PRKN: variants seen among roughly 807,000 people sequenced by gnomAD.
The protein encoded by PRKN is parkin RBR E3 ubiquitin protein ligase, also known as E3 ubiquitin-protein ligase parkin.
Under a neutral mutation model 59.5 loss-of-function variants are expected in PRKN, and 56 were observed. The ratio of observed to expected loss-of-function variants is 0.94; its 90% CI spans 0.76 to 1.18. The LOEUF (loss-of-function observed/expected upper bound fraction) is 1.18. PRKN is among the 50% of genes most tolerant of loss of function. The pLI is 0.00. For missense variants in PRKN, 657 were observed against 596.4 expected (o/e 1.10, Z -1.06); for synonymous variants, 250 against 222.1 (o/e 1.13, Z -1.12).
intron 5 of PRKN, among the ~76,000 whole-genome samples, chr6:162,019,645 C>T (rs571528502): frequency 1.3e-5 from 2 of 152,148 alleles, no homozygotes; most frequent in Non-Finnish European, 2.9e-5. Context: ...CTTGGGGAGT[C>T]CTTGGTCCAC....
At chr6:161,628,036 T>C (rs1393018911) in intron 7 of PRKN, among the ~76,000 whole-genome samples, 1 of 152,208 alleles carries the variant, frequency 6.6e-6, no homozygotes, top group Non-Finnish European at 1.5e-5. Context: ...AACATGATGG[T>C]GTCATGTATC....
chr6:162,532,805 A>G (rs1778567218), intron 1 of PRKN, among the ~76,000 whole-genome samples: 1 of 152,078 alleles, frequency 6.6e-6, no homozygotes, highest in Admixed American at 6.6e-5. Flanking sequence ...AAATAGCTAC[A>G]CCTCTCCTAC....
chr6:162,635,906 T>G (rs1357670451), intron 1 of PRKN, among the ~76,000 whole-genome samples: 1 of 152,070 alleles, frequency 6.6e-6, no homozygotes, highest in Admixed American at 6.6e-5. Flanking sequence ...GCACGAGGCA[T>G]GTTTGGAGAA....
chr6:162,719,895 A>AG (rs1491454686), intron 1 of PRKN, among the ~76,000 whole-genome samples: 2 of 5,236 alleles, frequency 3.8e-4, no homozygotes, highest in Non-Finnish European at 7.6e-4. Context: ...GGTAGATGTC[A>AG]AAAAAAAAAA....
intron 6 of PRKN, among the ~76,000 whole-genome samples, chr6:161,962,011 A>T (rs1242193795): frequency 6.6e-6 from 1 of 152,230 alleles, no homozygotes; most frequent in Non-Finnish European, 1.5e-5. Context: ...CCTGTGATGC[A>T]GAATGTGTCA....
At chr6:161,936,891 T>C (rs1434584779) in intron 6 of PRKN, among the ~76,000 whole-genome samples, 2 of 151,836 alleles carry the variant, frequency 1.3e-5, no homozygotes, top group African/African-American at 4.9e-5. Flanking sequence ...GTGCAACTGA[T>C]TATCCTGCCT....
intron 1 of PRKN, among the ~76,000 whole-genome samples, chr6:162,531,691 T>C (rs1156766532): frequency 6.6e-6 from 1 of 152,154 alleles, no homozygotes; most frequent in African/African-American, 2.4e-5. Context: ...CAGAATCTTG[T>C]AGGCTCCAGC....
At chr6:161,411,306 C>A (rs1028385808) in intron 9 of PRKN, among the ~76,000 whole-genome samples, 2 of 152,130 alleles carry the variant, frequency 1.3e-5, no homozygotes, top group African/African-American at 4.8e-5. Flanking sequence ...ATAAGTCTCA[C>A]AAGATCTGAT....
At chr6:161,628,232 T>C (rs185003151) in intron 7 of PRKN, among the ~76,000 whole-genome samples, 1 of 152,362 alleles carries the variant, frequency 6.6e-6, no homozygotes, top group African/African-American at 2.4e-5. Flanking sequence ...GAAATGAGTG[T>C]CTTAGTCTGC....
At chr6:161,845,863 G>C (rs1793177184) in intron 6 of PRKN, among the ~76,000 whole-genome samples, 1 of 152,142 alleles carries the variant, frequency 6.6e-6, no homozygotes, top group Non-Finnish European at 1.5e-5. Flanking sequence ...ACATCAACCT[G>C]GTGAAGGCTT....
chr6:161,545,093 A>G lies in PRKN; in HGVS notation c.1083+3761T>C. ...GGTGTCTAGCTCCGAACAATTTTAA[A>G]TCCCACAAATGACAGAGAATTTGGT... On this transcript the variant is annotated intron_variant, in intron 9 of 11. Transcript: ENST00000366898. This position sits in a 1 kb window ranked among gnomAD's most constrained non-coding sequence, Gnocchi z 4.1. 1 of 1,166,428 alleles carries G rather than the reference A, an allele frequency of 8.6e-7. No individual in the cohort carries two copies. The highest frequency in any genetic ancestry group is 2.3e-5 in the South Asian group (1 of 44,184). 72.3% of individuals were successfully genotyped at this position (1,166,428 alleles called of 1,614,324 possible). A position where few individuals can be genotyped will look rare whatever the true frequency, so the allele number is the denominator to read the frequency against.
intron 4 of PRKN, among the ~76,000 whole-genome samples, chr6:162,086,251 T>G (rs966913077): frequency 1.7e-4 from 26 of 152,168 alleles, no homozygotes; most frequent in African/African-American, 6.0e-4. Flanking sequence ...TCAGAATTAG[T>G]CTGGGCATCT....
chr6:162,498,967 C>A (rs1279862920), intron 1 of PRKN, among the ~76,000 whole-genome samples: 1 of 152,066 alleles, frequency 6.6e-6, no homozygotes, highest in Admixed American at 6.5e-5. Flanking sequence ...ATTTATTAAA[C>A]AAATATTTTA....
chr6:161,947,224 G>C (rs949137800), intron 6 of PRKN, among the ~76,000 whole-genome samples: 9 of 152,074 alleles, frequency 5.9e-5, no homozygotes, highest in Non-Finnish European at 1.3e-4. Flanking sequence ...GAAAGATTCA[G>C]AACAATTTAG....
chr6:162,290,521 T>A (rs1291072429), intron 2 of PRKN, among the ~76,000 whole-genome samples: 1 of 152,164 alleles, frequency 6.6e-6, no homozygotes, highest in Non-Finnish European at 1.5e-5. Flanking sequence ...ATGTTAAATG[T>A]CAGATTAAGA....
At chr6:161,543,714 T>G (rs964146282) in intron 9 of PRKN, among the ~76,000 whole-genome samples, 1 of 152,244 alleles carries the variant, frequency 6.6e-6, no homozygotes, top group African/African-American at 2.4e-5. Flanking sequence ...CAACTTCAAA[T>G]CATTATTTTA....
intron 6 of PRKN, among the ~76,000 whole-genome samples, chr6:161,905,792 C>T (rs1016580301): frequency 1.3e-5 from 2 of 151,780 alleles, no homozygotes; most frequent in African/African-American, 2.4e-5. Flanking sequence ...GAAACCCTGT[C>T]TCTACCAAAA....
intron 1 of PRKN, among the ~76,000 whole-genome samples, chr6:162,603,472 A>C (rs144308894): frequency 6.6e-6 from 1 of 152,266 alleles, no homozygotes; most frequent in East Asian, 1.9e-4. Context: ...GTTGTCTTTG[A>C]CTGCCTTTGC....
At chr6:162,331,144 C>T (rs979138093) in intron 2 of PRKN, among the ~76,000 whole-genome samples, 10 of 148,362 alleles carry the variant, frequency 6.7e-5, no homozygotes, top group African/African-American at 2.0e-4. Flanking sequence ...GCCTGGCCAA[C>T]GTGGTGAAAC....
Sources: gnomAD v4.1 joint callset for allele counts (sites outside exome capture counted in the v4.1 genomes callset) on GRCh38, gnomAD v4.1.1 for gene constraint, Gnocchi (gnomAD v3.1) non-coding constraint, MANE v1.5 for transcripts, NCBI Gene and HGNC (gene_info 2026-07-23, HGNC 2026-07-21) for gene names.